The following FBXO34 variants were observed in gnomAD, a reference collection of about 807,000 sequenced individuals.
FBXO34 encodes the protein F-box only protein 34.
Under a neutral mutation model 24.5 loss-of-function variants are expected in FBXO34, and 12 were observed. The ratio of observed to expected loss-of-function variants is 0.49; its 90% CI spans 0.31 to 0.79. The LOEUF (loss-of-function observed/expected upper bound fraction) is 0.79, where lower values mean the gene tolerates loss of function less well. Ranked by LOEUF, FBXO34 falls within the 30% of genes least tolerant of loss-of-function variation. FBXO34 has a pLI of 0.04. For missense variants in FBXO34, 823 were observed against 857.7 expected (o/e 0.96, Z 0.51); for synonymous variants, 320 against 311.9 (o/e 1.03, Z -0.27).
At chr14:55,392,128 G>A in the FBXO34 span, among the ~76,000 whole-genome samples, 1 of 152,160 alleles carries the variant, frequency 6.6e-6, no homozygotes, top group Non-Finnish European at 1.5e-5. Flanking sequence ...TCTCATAGGA[G>A]TGCACAACCT....
At chr14:55,403,681 ACAT>A in the FBXO34 span, among the ~76,000 whole-genome samples, 1 of 152,314 alleles carries the variant, frequency 6.6e-6, no homozygotes, top group African/African-American at 2.4e-5. Flanking sequence ...AACAACAACA[ACAT>A]CAACAACAAC....
the FBXO34 span, among the ~76,000 whole-genome samples, chr14:55,416,147 T>C: frequency 6.6e-6 from 1 of 152,132 alleles, no homozygotes; most frequent in Admixed American, 6.5e-5. Context: ...ATAGAAATGT[T>C]TTAGAACTAG....
the FBXO34 span, among the ~76,000 whole-genome samples, chr14:55,400,169 C>T: frequency 4.6e-5 from 7 of 152,164 alleles, no homozygotes; most frequent in African/African-American, 1.7e-4. Context: ...AGTCACTCAT[C>T]CAGGCTCTGC....
At chr14:55,381,119 C>A in the FBXO34 span, among the ~76,000 whole-genome samples, 1 of 152,038 alleles carries the variant, frequency 6.6e-6, no homozygotes, top group Admixed American at 6.6e-5. Context: ...ATGGCACCCA[C>A]TCAATGTACA....
At chr14:55,408,384 A>G in the FBXO34 span, among the ~76,000 whole-genome samples, 1 of 152,114 alleles carries the variant, frequency 6.6e-6, no homozygotes, top group Non-Finnish European at 1.5e-5. Flanking sequence ...GAGAACAGGG[A>G]GGTCAAAGCT....
rs1401266490 is a variant in FBXO34 at position 55,353,262 on chromosome 14, G to A, written c.*736G>A. The A allele has an allele frequency of 6.5e-6, 1 of 152,966 alleles. No homozygotes were observed. Among genetic ancestry groups the A allele is most frequent in the East Asian group, 2.1e-4 (1 of 4,876 alleles). 9.5% of individuals were successfully genotyped at this position (152,966 alleles called of 1,614,324 possible). A position where few individuals can be genotyped will look rare whatever the true frequency, so the allele number is the denominator to read the frequency against. On this transcript the variant is annotated 3_prime_UTR_variant, in exon 2 of 2. Coordinates refer to ENST00000313833, the MANE Select transcript of FBXO34 (RefSeq NM_017943.4). Reference sequence around the variant, plus strand: ...CACAATGCAGCTAGGATAGTGTTGCGGCTATAATTTTGTGTTTTTTTTTTT... The same window carrying A: ...CACAATGCAGCTAGGATAGTGTTGCAGCTATAATTTTGTGTTTTTTTTTTT...
chr14:55,338,002 C>G (rs1594759565), intron 1 of FBXO34, among the ~76,000 whole-genome samples: 2 of 149,568 alleles, frequency 1.3e-5, no homozygotes, highest in African/African-American at 4.9e-5. Flanking sequence ...TAACTTGCCT[C>G]TGATTCAGTT....
At chr14:55,376,849 A>G in the FBXO34 span, among the ~76,000 whole-genome samples, 3 of 152,244 alleles carry the variant, frequency 2.0e-5, no homozygotes, top group Non-Finnish European at 4.4e-5. Flanking sequence ...CACCCAGCAC[A>G]GGCGTGCATG....
chr14:55,398,542 A>G, the FBXO34 span, among the ~76,000 whole-genome samples: 3 of 152,164 alleles, frequency 2.0e-5, no homozygotes, highest in Non-Finnish European at 2.9e-5. Context: ...TTAGAAGCAT[A>G]TTGTTTAATT....
At chr14:55,420,825 C>T in the FBXO34 span, among the ~76,000 whole-genome samples, 31 of 151,708 alleles carry the variant, frequency 2.0e-4, no homozygotes, top group African/African-American at 6.8e-4. Context: ...TTTGGGTGGC[C>T]GAGGCGGGTG....
chr14:55,286,656 C>T (rs781031362), intron 1 of FBXO34, among the ~76,000 whole-genome samples: 5 of 152,074 alleles, frequency 3.3e-5, no homozygotes, highest in South Asian at 2.1e-4. Flanking sequence ...AAGCCCCTAA[C>T]GAAATTTCCA....
the FBXO34 span, among the ~76,000 whole-genome samples, chr14:55,404,280 A>G: frequency 6.6e-6 from 1 of 152,226 alleles, no homozygotes; most frequent in African/African-American, 2.4e-5. Flanking sequence ...TACTAAAAAG[A>G]CACTCACTGA....
At chr14:55,359,569 A>G (rs1394032678) in intron 3 of FBXO34, among the ~76,000 whole-genome samples, 1 of 152,222 alleles carries the variant, frequency 6.6e-6, no homozygotes, top group Admixed American at 6.5e-5. Context: ...TTGCCTCAAT[A>G]TTGATAGCTG....
the FBXO34 span, chr14:55,440,615 G>T: frequency 1.4e-6 from 2 of 1,469,234 alleles, no homozygotes; most frequent in Non-Finnish European, 9.1e-7. Context: ...CGAGAGAAGC[G>T]TTGGGCGATG....
the FBXO34 span, among the ~76,000 whole-genome samples, chr14:55,393,310 A>C: frequency 1.3e-5 from 2 of 152,008 alleles, no homozygotes; most frequent in Non-Finnish European, 2.9e-5. Context: ...GTGTGAACCC[A>C]GGAGGTGGAG....
chr14:55,279,340 G>A (rs113948817), intron 1 of FBXO34, among the ~76,000 whole-genome samples: 180 of 151,928 alleles, frequency 1.2e-3, no homozygotes, highest in African/African-American at 4.2e-3. Context: ...TTTCCAAGTG[G>A]TGATGAGTAT....
intron 1 of FBXO34, among the ~76,000 whole-genome samples, chr14:55,317,727 C>T (rs1047683201): frequency 1.3e-5 from 2 of 152,204 alleles, no homozygotes; most frequent in Non-Finnish European, 2.9e-5. Flanking sequence ...CAACTGCCCT[C>T]ATTCTCCCCA....
downstream of FBXO34, among the ~76,000 whole-genome samples, chr14:55,373,211 T>C (rs374021714): frequency 6.6e-6 from 1 of 152,240 alleles, no homozygotes; most frequent in African/African-American, 2.4e-5. Context: ...GAATAATGGA[T>C]ATCTTTTTAT....
downstream of FBXO34, among the ~76,000 whole-genome samples, chr14:55,370,331 TTATTTAGTGTAATAAG>T (rs1298614581): frequency 2.0e-5 from 3 of 152,230 alleles, no homozygotes; most frequent in Admixed American, 6.5e-5. Context: ...ACTCTGGATA[TTATTTAGTGTAATAAG>T]TAATAAATGG....
Sources: gnomAD v4.1 joint callset for allele counts (sites outside exome capture counted in the v4.1 genomes callset) on GRCh38, gnomAD v4.1.1 for gene constraint, MANE v1.5 for transcripts, NCBI Gene and HGNC (gene_info 2026-07-23, HGNC 2026-07-21) for gene names.